Variants in CTDSPL observed in about 807,000 individuals in gnomAD.
The protein encoded by CTDSPL is CTD small phosphatase-like protein.
In CTDSPL, 8 loss-of-function variants were observed where a neutral mutation model predicts 30.5. The ratio of observed to expected loss-of-function variants is 0.26; its 90% CI spans 0.15 to 0.47. The LOEUF is 0.47. Ranked by LOEUF, CTDSPL falls within the 20% of genes least tolerant of loss-of-function variation. CTDSPL has a pLI of 0.99. For missense variants in CTDSPL, 248 were observed against 366.1 expected, an observed-to-expected ratio of 0.68 and a Z score of 2.63; for synonymous variants, 110 against 137.9, an observed-to-expected ratio of 0.80 and a Z score of 1.42.
intron 1 of CTDSPL, among the ~76,000 whole-genome samples, chr3:37,875,604 C>G (rs1365546296): frequency 6.6e-6 from 1 of 152,164 alleles, no homozygotes; most frequent in Non-Finnish European, 1.5e-5. Context: ...TGTAATCTTT[C>G]TCTCTGTATT....
chr3:37,891,366 C>A (rs62239967), intron 1 of CTDSPL, among the ~76,000 whole-genome samples: 5,828 of 152,310 alleles, frequency 0.038, 214 homozygotes, highest in Non-Finnish European at 0.051. Context: ...CTGTACCCTA[C>A]TTCTGTTGAC....
chr3:37,923,778 T>C (rs1698747510), intron 1 of CTDSPL, among the ~76,000 whole-genome samples: 1 of 151,794 alleles, frequency 6.6e-6, no homozygotes, highest in Admixed American at 6.6e-5. Context: ...TTCTAAGTAT[T>C]CCTTGCTTTT....
chr3:37,863,441 G>GTGT (rs1697969311), intron 1 of CTDSPL, among the ~76,000 whole-genome samples: 1 of 152,224 alleles, frequency 6.6e-6, no homozygotes, highest in African/African-American at 2.4e-5. Flanking sequence ...TGCCTCTAGT[G>GTGT]TGTTGGGACT....
At chr3:37,876,344 C>A (rs1242834338) in intron 1 of CTDSPL, among the ~76,000 whole-genome samples, 1 of 152,172 alleles carries the variant, frequency 6.6e-6, no homozygotes, top group African/African-American at 2.4e-5. Context: ...ACTCATACAG[C>A]TGTATAACCA....
chr3:37,982,525 G>T lies in CTDSPL; in HGVS notation c.*1658G>T. ...GGCATTAACAAGACTGGAAATCGGG[G>T]GTCAAAGTAAAATATCTTTGTTTTG... On this transcript the variant is annotated 3_prime_UTR_variant, in exon 8 of 8. Transcript: ENST00000273179. 1 of 456,642 alleles carries T rather than the reference G, an allele frequency of 2.2e-6. No homozygotes were observed. Among genetic ancestry groups the T allele is most frequent in the African/African-American group, 2.0e-5 (1 of 50,180 alleles). 28.3% of individuals were successfully genotyped at this position (456,642 alleles called of 1,614,324 possible).
chr3:37,953,195 C>T (rs1699129680), intron 2 of CTDSPL, among the ~76,000 whole-genome samples: 1 of 152,132 alleles, frequency 6.6e-6, no homozygotes, highest in Non-Finnish European at 1.5e-5. Context: ...TTGGACCAGC[C>T]ACATTTTGTG....
chr3:37,871,509 T>G (rs1339767527), intron 1 of CTDSPL, among the ~76,000 whole-genome samples: 1 of 152,180 alleles, frequency 6.6e-6, no homozygotes, highest in Non-Finnish European at 1.5e-5. Flanking sequence ...TAAGAGTATT[T>G]TGTTGTTTTG....
intron 3 of CTDSPL, among the ~76,000 whole-genome samples, chr3:37,963,531 C>G (rs1295504955): frequency 1.3e-5 from 2 of 152,056 alleles, no homozygotes; most frequent in African/African-American, 4.8e-5. Context: ...TGTTTTGTAT[C>G]AAATATTAAA....
At chr3:37,905,317 A>G (rs1378929056) in intron 1 of CTDSPL, among the ~76,000 whole-genome samples, 2 of 152,266 alleles carry the variant, frequency 1.3e-5, no homozygotes, top group Non-Finnish European at 2.9e-5. Context: ...ATTAAGAGTC[A>G]AATAACGTTT....
chr3:37,911,203 G>A (rs977538085), intron 1 of CTDSPL, among the ~76,000 whole-genome samples: 3 of 152,222 alleles, frequency 2.0e-5, no homozygotes, highest in Non-Finnish European at 4.4e-5. Context: ...AAAGCAGAGG[G>A]CAAGCCCCAG....
intron 3 of CTDSPL, among the ~76,000 whole-genome samples, chr3:37,960,844 T>G (rs59559113): frequency 0.13 from 20,288 of 152,128 alleles, 1,480 homozygotes; most frequent in African/African-American, 0.18. Context: ...TTCTTCTCTA[T>G]TCATTTCCTG....
intron 1 of CTDSPL, among the ~76,000 whole-genome samples, chr3:37,919,948 G>C (rs1293626611): frequency 2.6e-5 from 4 of 152,100 alleles, no homozygotes; most frequent in African/African-American, 9.7e-5. Context: ...GGAAGCCCTG[G>C]GGATGTTTTC....
chr3:37,939,610 A>C (rs1488349112), intron 1 of CTDSPL, among the ~76,000 whole-genome samples: 2 of 150,046 alleles, frequency 1.3e-5, no homozygotes, highest in East Asian at 3.9e-4. Flanking sequence ...CATAACATCA[A>C]ATCCAAACTC....
At chr3:37,930,106 CAAAAAAAAAGAAA>C (rs1559636750) in intron 1 of CTDSPL, among the ~76,000 whole-genome samples, 1 of 103,340 alleles carries the variant, frequency 9.7e-6, no homozygotes, top group African/African-American at 4.4e-5. Flanking sequence ...GACTCCGTCT[CAAAAAAAAAGAAA>C]AAAAAAAAAA....
intron 1 of CTDSPL, among the ~76,000 whole-genome samples, chr3:37,868,688 C>T (rs1166099246): frequency 6.6e-6 from 1 of 152,028 alleles, no homozygotes; most frequent in African/African-American, 2.4e-5. Flanking sequence ...ATTTCTTTTG[C>T]ATCTTTGTCA....
At chr3:37,887,094 G>A (rs546478545) in intron 1 of CTDSPL, among the ~76,000 whole-genome samples, 7 of 152,320 alleles carry the variant, frequency 4.6e-5, no homozygotes, top group Non-Finnish European at 8.8e-5. Context: ...GGATGTCACG[G>A]CAGTGGCTCA....
At chr3:37,942,970 T>C (rs1698994681) in intron 1 of CTDSPL, among the ~76,000 whole-genome samples, 1 of 150,332 alleles carries the variant, frequency 6.7e-6, no homozygotes, top group Non-Finnish European at 1.5e-5. Flanking sequence ...AAAGCAACTG[T>C]AGTGGACCTG....
At chr3:37,904,780 TC>T (rs35908095) in intron 1 of CTDSPL, among the ~76,000 whole-genome samples, 3,527 of 152,320 alleles carry the variant, frequency 0.023, 51 homozygotes, top group Middle Eastern at 0.031. Flanking sequence ...CTCTGCTACT[TC>T]CTTCTCTGAT....
intron 1 of CTDSPL, among the ~76,000 whole-genome samples, chr3:37,946,336 G>A (rs1017189481): frequency 6.6e-6 from 1 of 152,212 alleles, no homozygotes. Context: ...GCACAGTATT[G>A]CCCTGGATCT....
Sources: gnomAD v4.1 joint callset for allele counts (sites outside exome capture counted in the v4.1 genomes callset) on GRCh38, gnomAD v4.1.1 for gene constraint, MANE v1.5 for transcripts, NCBI Gene and HGNC (gene_info 2026-07-23, HGNC 2026-07-21) for gene names.